CNTNAP4: variants seen among roughly 807,000 people sequenced by gnomAD.
CNTNAP4 encodes the protein contactin-associated protein-like 4.
Under a neutral mutation model 148.4 loss-of-function variants are expected in CNTNAP4, and 98 were observed. The ratio of observed to expected loss-of-function variants is 0.66; its 90% CI spans 0.56 to 0.78. The LOEUF (loss-of-function observed/expected upper bound fraction) is 0.78. CNTNAP4 is among the 30% of genes least tolerant of loss of function. The pLI is 0.00. For missense variants in CNTNAP4, 1,935 were observed against 1,565.6 expected, an observed-to-expected ratio of 1.24 and a Z score of -3.98; for synonymous variants, 730 against 565.1, an observed-to-expected ratio of 1.29 and a Z score of -4.14.
intron 3 of CNTNAP4, among the ~76,000 whole-genome samples, chr16:76,356,192 C>A (rs12597720): frequency 0.13 from 20,004 of 152,054 alleles, 2,024 homozygotes; most frequent in East Asian, 0.48. Context: ...TCTTTATTTA[C>A]AATTAGTCAA....
chr16:76,294,104 C>G (rs1959183197), intron 1 of CNTNAP4, among the ~76,000 whole-genome samples: 1 of 151,916 alleles, frequency 6.6e-6, no homozygotes, highest in African/African-American at 2.4e-5. Flanking sequence ...AGTAAGAAAC[C>G]CACTCATTCA....
chr16:76,518,926 A>C (rs538350141), intron 15 of CNTNAP4, among the ~76,000 whole-genome samples: 3 of 152,038 alleles, frequency 2.0e-5, no homozygotes, highest in Non-Finnish European at 2.9e-5. Flanking sequence ...TAAACCACCT[A>C]ATCCATAGAA....
chr16:76,311,889 A>G (rs1272649484), intron 1 of CNTNAP4, among the ~76,000 whole-genome samples: 1 of 152,220 alleles, frequency 6.6e-6, no homozygotes. Context: ...CCAATCTGAT[A>G]TAGCACTTAA....
intron 10 of CNTNAP4, among the ~76,000 whole-genome samples, chr16:76,468,094 C>T (rs933765297): frequency 1.3e-5 from 2 of 152,192 alleles, no homozygotes; most frequent in Middle Eastern, 3.4e-3. Flanking sequence ...TAAGGATGAT[C>T]AAAGAGTTTC....
Position 76,540,739 on chromosome 16 carries a change from T to C in CNTNAP4, c.3391T>C (p.Ser1131Pro), listed in dbSNP as rs2144293037. 2.5e-6 allele frequency: 4 copies of C among 1,577,868 alleles called. No individual in the cohort carries two copies. In the South Asian group the frequency reaches 4.7e-5, roughly 18 times the overall value. ...TAGAAGGAGACAAGTTCACCTGTCA[T>C]CAGGCACAGAATTCAGTGCAGTCAA... ...DNRRRQVHLS[S>P]GTEFSAVKSL... The change falls in exon 21 of 24, where the codon TCA becomes CCA. Residue 1131 changes from serine (S) to proline (P), a missense_variant. Coordinates refer to ENST00000611870, the MANE Select transcript of CNTNAP4 (RefSeq NM_033401.5).
intron 2 of CNTNAP4, among the ~76,000 whole-genome samples, chr16:76,332,620 T>G (rs1161275056): frequency 6.6e-6 from 1 of 152,188 alleles, no homozygotes; most frequent in Non-Finnish European, 1.5e-5. Flanking sequence ...AAATATTCTT[T>G]CAGCCATTCT....
chr16:76,522,153 A>G lies in CNTNAP4; in HGVS notation c.2651A>G (p.Asn884Ser), dbSNP rs1169212925. Residue 884 changes from asparagine (N) to serine (S), a missense_variant, in exon 17 of 24, where the codon AAC becomes AGC. By Grantham distance (46) the Asn-to-Ser change is conservative. Coordinates refer to ENST00000611870, the MANE Select transcript of CNTNAP4 (RefSeq NM_033401.5). ...TGGCACCATGTGAGGGTTGAAAGGAACATGAAGGAGGCCTCCCTTCAAGTG... is the reference window on the plus strand; with the variant it reads ...TGGCACCATGTGAGGGTTGAAAGGAGCATGAAGGAGGCCTCCCTTCAAGTG... The part of the protein sequence containing the change: ...NQWHHVRVER[N>S]MKEASLQVDQ... 2 of 1,613,984 alleles carry G rather than the reference A, an allele frequency of 1.2e-6. No individual in the cohort carries two copies.
chr16:76,293,220 G>A (rs1443036100), intron 1 of CNTNAP4, among the ~76,000 whole-genome samples: 5 of 151,958 alleles, frequency 3.3e-5, no homozygotes, highest in African/African-American at 7.3e-5. Context: ...CACCTCCCGG[G>A]TTCGAGCGAT....
chr16:76,341,896 A>C (rs1964498112), intron 2 of CNTNAP4, among the ~76,000 whole-genome samples: 1 of 152,210 alleles, frequency 6.6e-6, no homozygotes, highest in Non-Finnish European at 1.5e-5. Flanking sequence ...TTTAGAAAAA[A>C]ACCCAAGAAG....
chr16:76,292,299 A>T lies in CNTNAP4; in HGVS notation c.85+14552A>T, dbSNP rs1365657205. ...GCTCAAGAATTTATGGCACTTAAAG[A>T]TAATTCCTTGCCTCTTCGAGCACTA... On this transcript the variant is annotated intron_variant, in intron 1 of 23. Transcript: ENST00000611870. Among the ~76,000 whole-genome samples, 5 of 152,172 alleles carry T rather than the reference A, an allele frequency of 3.3e-5. No individual in the cohort carries two copies. The East Asian group carries it at 9.6e-4, about 29-fold the overall frequency.
At chr16:76,386,870 C>A (rs2016558501) in intron 3 of CNTNAP4, among the ~76,000 whole-genome samples, 1 of 151,984 alleles carries the variant, frequency 6.6e-6, no homozygotes, top group Admixed American at 6.6e-5. Flanking sequence ...CAAAGGAGGC[C>A]TAAAAGGAGA....
intron 1 of CNTNAP4, among the ~76,000 whole-genome samples, chr16:76,307,444 A>T (rs1217438043): frequency 6.7e-6 from 1 of 148,696 alleles, no homozygotes; most frequent in Non-Finnish European, 1.5e-5. Flanking sequence ...GCATCTTTGG[A>T]TATATTTTTT....
At chr16:76,353,444 A>G (rs2012125062) in intron 2 of CNTNAP4, among the ~76,000 whole-genome samples, 1 of 152,010 alleles carries the variant, frequency 6.6e-6, no homozygotes, top group Non-Finnish European at 1.5e-5. Flanking sequence ...CACAGTTTTG[A>G]CCCCGGCCAG....
At chr16:76,317,708 AGTGT>A (rs146648270) in intron 2 of CNTNAP4, among the ~76,000 whole-genome samples, 69 of 150,596 alleles carry the variant, frequency 4.6e-4, no homozygotes, top group Non-Finnish European at 9.0e-4. Context: ...AATAGGTAAG[AGTGT>A]GTGTGTGTGT....
At chr16:76,384,418 G>C (rs191387872) in intron 3 of CNTNAP4, among the ~76,000 whole-genome samples, 1 of 152,112 alleles carries the variant, frequency 6.6e-6, no homozygotes, top group Non-Finnish European at 1.5e-5. Context: ...TGAGGACCAA[G>C]CTGAATAAAG....
chr16:76,371,961 C>T (rs933966082), intron 3 of CNTNAP4, among the ~76,000 whole-genome samples: 3 of 152,196 alleles, frequency 2.0e-5, no homozygotes, highest in Admixed American at 1.3e-4. Context: ...TTCACTTAAT[C>T]ATCTCTAAGT....
intron 4 of CNTNAP4, among the ~76,000 whole-genome samples, chr16:76,440,841 G>C (rs528502185): frequency 9.9e-5 from 15 of 152,216 alleles, no homozygotes; most frequent in Non-Finnish European, 1.3e-4. Context: ...AATTCACTTG[G>C]GGGTGAGGAG....
intron 2 of CNTNAP4, among the ~76,000 whole-genome samples, chr16:76,325,481 G>C (rs1350463000): frequency 2.0e-5 from 3 of 152,084 alleles, no homozygotes. Flanking sequence ...GTGGAATTCA[G>C]CTAGAAATCA....
chr16:76,537,534 A>G (rs990844199), intron 18 of CNTNAP4, among the ~76,000 whole-genome samples: 3 of 152,138 alleles, frequency 2.0e-5, no homozygotes, highest in Non-Finnish European at 4.4e-5. Flanking sequence ...TTGTAAAATG[A>G]TTTAAAAGAG....
Sources: gnomAD v4.1 joint callset for allele counts (sites outside exome capture counted in the v4.1 genomes callset) on GRCh38, gnomAD v4.1.1 for gene constraint, MANE v1.5 for transcripts, NCBI Gene and HGNC (gene_info 2026-07-23, HGNC 2026-07-21) for gene names.